ANKRD55: variants seen among roughly 807,000 people sequenced by gnomAD.
ANKRD55 encodes the protein ankyrin repeat domain 55.
In ANKRD55, 41 loss-of-function variants were observed where a neutral mutation model predicts 60.6. The ratio of observed to expected loss-of-function variants is 0.68; its 90% CI spans 0.53 to 0.88. The LOEUF is 0.88. Among genes scored for constraint, ANKRD55 ranks in the 40% least tolerant of loss-of-function variants. The probability of loss-of-function intolerance (pLI) is 0.00; values close to 1 mark genes in which losing one functional copy is unlikely to be tolerated. For synonymous variants in ANKRD55, 264 were observed against 290.3 expected, an observed-to-expected ratio of 0.91 and a Z score of 0.92; for missense variants, 732 against 767.6, an observed-to-expected ratio of 0.95 and a Z score of 0.55.
At position 56,147,570 on chromosome 5, in the gene ANKRD55, C is replaced by T. The variant is rs1272445109; in HGVS notation, c.484-3641G>A. ...TCTCCCACCCAGTTCACCGTCACCA[C>T]AAAACTTGAGAACATCTTGAAAATA... On this transcript the variant is annotated intron_variant, in intron 6 of 11. Transcript: ENST00000341048. Among the ~76,000 whole-genome samples the T allele has an allele frequency of 3.3e-5, 5 of 152,200 alleles. No individual in the cohort carries two copies. The East Asian group carries it at 7.7e-4, about 23-fold the overall frequency.
At chr5:56,209,038 G>A (rs1003136544) in intron 2 of ANKRD55, among the ~76,000 whole-genome samples, 2 of 151,432 alleles carry the variant, frequency 1.3e-5, no homozygotes, top group African/African-American at 4.8e-5. Flanking sequence ...GCTCACTGCA[G>A]CGTCCACCTC....
intron 2 of ANKRD55, among the ~76,000 whole-genome samples, chr5:56,228,887 TTCCAGC>T: frequency 6.6e-6 from 1 of 152,316 alleles, no homozygotes; most frequent in East Asian, 1.9e-4. Flanking sequence ...TCCTCTCTTT[TTCCAGC>T]AACTCGACAA....
intron 6 of ANKRD55, among the ~76,000 whole-genome samples, chr5:56,154,255 T>C (rs536572548): frequency 6.6e-6 from 1 of 152,032 alleles, no homozygotes; most frequent in Admixed American, 6.6e-5. Flanking sequence ...GGTACCTTTT[T>C]TTAAACAATG....
At chr5:56,108,874 T>G (rs1282093240) in intron 10 of ANKRD55, among the ~76,000 whole-genome samples, 1 of 152,070 alleles carries the variant, frequency 6.6e-6, no homozygotes, top group Non-Finnish European at 1.5e-5. Context: ...CCGTCTCCAC[T>G]AAAAATCCAA....
intron 10 of ANKRD55, among the ~76,000 whole-genome samples, chr5:56,110,167 A>G (rs1413931783): frequency 6.6e-6 from 1 of 151,278 alleles, no homozygotes; most frequent in East Asian, 1.9e-4. Flanking sequence ...GAGACCGAGA[A>G]GGGAGGATTG....
chr5:56,201,271 C>A (rs1387656723), intron 2 of ANKRD55, among the ~76,000 whole-genome samples: 2 of 152,184 alleles, frequency 1.3e-5, no homozygotes, highest in Admixed American at 6.5e-5. Context: ...CCAGGCCTTA[C>A]ACTGCACCAC....
intron 2 of ANKRD55, among the ~76,000 whole-genome samples, chr5:56,224,400 T>G (rs1278239970): frequency 6.6e-6 from 1 of 152,072 alleles, no homozygotes; most frequent in East Asian, 1.9e-4. Flanking sequence ...GATCTAAAAT[T>G]GACACCCTAA....
chr5:56,138,695 T>A (rs6880941), intron 7 of ANKRD55, among the ~76,000 whole-genome samples: 105,617 of 152,072 alleles, frequency 0.69, 37,248 homozygotes, highest in Middle Eastern at 0.84. Flanking sequence ...ATGAAAAGAC[T>A]TGGAGGAAAT....
intron 8 of ANKRD55, among the ~76,000 whole-genome samples, chr5:56,117,620 A>AT (rs1203880150): frequency 2.0e-5 from 3 of 152,040 alleles, no homozygotes; most frequent in South Asian, 4.2e-4. Context: ...CACCCGGCTA[A>AT]TTTTTGTATT....
intron 8 of ANKRD55, among the ~76,000 whole-genome samples, chr5:56,124,596 C>T (rs1460374537): frequency 6.6e-6 from 1 of 152,088 alleles, no homozygotes; most frequent in Non-Finnish European, 1.5e-5. Flanking sequence ...CAACCTCTGC[C>T]TCTCAGGTTC....
At position 56,132,424 on chromosome 5, in the gene ANKRD55, C is replaced by CAAAAAAA. The variant is rs34289990; in HGVS notation, c.613-5325_613-5319dup. On this transcript the variant is annotated intron_variant, in intron 7 of 11. Coordinates refer to ENST00000341048, the MANE Select transcript of ANKRD55 (RefSeq NM_024669.3). ...TGAAACCCTGTCTCTACTTAAAATACAAAAAAAAAAAAAAAAATTAGCTGG... is the reference window on the plus strand; with the variant it reads ...TGAAACCCTGTCTCTACTTAAAATACAAAAAAAAAAAAAAAAAAAAAAAATTAGCTGG... Among the ~76,000 whole-genome samples the CAAAAAAA allele has an allele frequency of 2.3e-3, 272 of 120,334 alleles. 6 individuals are homozygous for CAAAAAAA. Among genetic ancestry groups the CAAAAAAA allele is most frequent in the African/African-American group, 9.5e-3 (262 of 27,502 alleles). 78.9% of individuals were successfully genotyped at this position (120,334 alleles called of 152,430 possible).
Position 56,116,680 on chromosome 5 carries a change from C to T in ANKRD55, c.900G>A (p.Thr300=), listed in dbSNP as rs770050070. The T allele has an allele frequency of 3.1e-6, 5 of 1,614,030 alleles. No homozygotes were observed. Among genetic ancestry groups the T allele is most frequent in the Non-Finnish European group, 4.2e-6 (5 of 1,179,940 alleles). The change falls in exon 9 of 12, where the codon ACG becomes ACA. Residue 300 remains threonine (T), a synonymous_variant. Transcript: ENST00000341048. ...DSNLRDINES[T]PLAYALYCGH... is the part of the protein sequence containing the mutation. ...CGCAGTACAGGGCATAGGCCAAGGG[C>T]GTGCTCTCATTGATGTCCCGCAGGT...
chr5:56,153,493 C>A (rs550395709), intron 6 of ANKRD55, among the ~76,000 whole-genome samples: 14 of 151,758 alleles, frequency 9.2e-5, no homozygotes, highest in African/African-American at 3.4e-4. Context: ...AGGGGAATGG[C>A]AAAATAAATG....
chr5:56,121,852 A>G (rs910542385), intron 8 of ANKRD55, among the ~76,000 whole-genome samples: 2 of 152,200 alleles, frequency 1.3e-5, no homozygotes, highest in African/African-American at 4.8e-5. Context: ...GGGTAGAATT[A>G]GACCCTGAAT....
intron 10 of ANKRD55, among the ~76,000 whole-genome samples, chr5:56,107,970 A>G (rs552907631): frequency 1.7e-4 from 26 of 151,984 alleles, no homozygotes; most frequent in African/African-American, 4.8e-4. Flanking sequence ...CCCAGGCTCA[A>G]GTGATCCTCC....
At chr5:56,102,627 C>T in intron 10 of ANKRD55, 41 bp from the exon 11 acceptor site, 1 of 1,433,856 alleles carries the variant, frequency 7.0e-7, no homozygotes, top group Non-Finnish European at 9.8e-7. Context: ...TGAGACTCAA[C>T]CAAGTGCAAA....
intron 2 of ANKRD55, chr5:56,193,038 G>A (rs1759139187): frequency 2.0e-6 from 2 of 979,242 alleles, no homozygotes; most frequent in Non-Finnish European, 3.0e-6. Flanking sequence ...GATGCTGATT[G>A]GTTTTTGAAA....
chr5:56,138,800 A>T (rs1285112782), intron 7 of ANKRD55, among the ~76,000 whole-genome samples: 1 of 152,234 alleles, frequency 6.6e-6, no homozygotes, highest in Admixed American at 6.5e-5. Flanking sequence ...GGAGACAGTA[A>T]AAAGATCAGT....
Position 56,170,701 on chromosome 5 carries a change from C to G in ANKRD55, c.415G>C (p.Asp139His). ...LPLHAATAEPDMRLLTVLLQQ... is the reference protein window; with the variant it reads ...LPLHAATAEPHMRLLTVLLQQ... ...GTAAACCTGGCCACTTACCTCATAT[C>G]GGGCTCAGCAGTGGCAGCATGCAGT... Residue 139 changes from aspartate (D) to histidine (H), a missense_variant, in exon 5 of 12, where the codon GAT becomes CAT. Asp to His is a moderately conservative substitution (Grantham distance 81). Coordinates refer to ENST00000341048, the MANE Select transcript of ANKRD55 (RefSeq NM_024669.3). 6.2e-7 allele frequency: 1 copy of G among 1,613,940 alleles called. No individual in the cohort carries two copies. Among genetic ancestry groups the G allele is most frequent in the Non-Finnish European group, 8.5e-7 (1 of 1,179,870 alleles).
Sources: allele counts gnomAD v4.1 joint callset (sites outside exome capture counted in the v4.1 genomes callset), GRCh38; gene constraint gnomAD v4.1.1; transcripts MANE v1.5; gene names NCBI Gene and HGNC (gene_info 2026-07-23, HGNC 2026-07-21).